The following FSBP variants were observed in gnomAD, a reference collection of about 807,000 sequenced individuals.
FSBP encodes the protein fibrinogen silencer binding protein.
In FSBP, 18 loss-of-function variants were observed where a neutral mutation model predicts 24.6. That is an observed-to-expected ratio of 0.73 (90% CI 0.51 to 1.08). FSBP has a LOEUF of 1.08. Ranked by LOEUF, FSBP falls within the 50% of genes least tolerant of loss-of-function variation. The pLI, the probability that FSBP is intolerant of heterozygous loss-of-function variation, is 0.00. For missense variants in FSBP, 305 were observed against 347.6 expected, an observed-to-expected ratio of 0.88 and a Z score of 0.98; for synonymous variants, 110 against 125.8, an observed-to-expected ratio of 0.87 and a Z score of 0.84.
At chr8:94,435,365 A>G (rs963946980) in intron 1 of FSBP, among the ~76,000 whole-genome samples, 15 of 152,064 alleles carry the variant, frequency 9.9e-5, no homozygotes, top group Non-Finnish European at 1.9e-4. Flanking sequence ...CTTTCCTAGT[A>G]AATTACCAAA....
At chr8:94,435,032 C>T (rs545377291) in intron 1 of FSBP, among the ~76,000 whole-genome samples, 1 of 151,900 alleles carries the variant, frequency 6.6e-6, no homozygotes, top group South Asian at 2.1e-4. Context: ...TTCTACATGT[C>T]GTTTTCAAAT....
chr8:94,436,725 G>A lies in FSBP; in HGVS notation c.144C>T (p.Ile48=), dbSNP rs199864950. 101 of 1,550,592 alleles carry A rather than the reference G, an allele frequency of 6.5e-5. No individual in the cohort carries two copies. The highest frequency in any genetic ancestry group is 8.5e-5 in the Non-Finnish European group (98 of 1,146,998). ...CAATTGCATTATAGTTAACTGCTAT[G>A]ATATCCCAACATCTATTCTTTTCTA... ...VIVEKNRCWD[I]IAVNYNAIGV... is the part of the protein sequence containing the mutation. The change falls in exon 1 of 2, where the codon ATC becomes ATT. Residue 48 remains isoleucine (I), a synonymous_variant. Transcript: ENST00000481490.
At position 94,429,537 on chromosome 8, in the gene FSBP, G is replaced by A; in HGVS notation, c.*2594C>T. On this transcript the variant is annotated 3_prime_UTR_variant, in exon 2 of 2. Coordinates refer to ENST00000481490, the MANE Select transcript of FSBP (RefSeq NM_001256141.2). ...CAATTCTTAGTAGCATGCTGAAACT[G>A]TAAAGTGAATTACATCTCATATATG... The A allele has an allele frequency of 1.0e-6, 1 of 984,282 alleles. No homozygotes were observed. The highest frequency in any genetic ancestry group is 1.2e-6 in the Non-Finnish European group (1 of 828,948). The allele number at this position is 984,282 out of a possible 1,614,324, so 61.0% of individuals were successfully genotyped here.
chr8:94,434,514 C>G (rs568547048), intron 1 of FSBP, among the ~76,000 whole-genome samples: 30 of 151,828 alleles, frequency 2.0e-4, no homozygotes, highest in African/African-American at 7.2e-4. Context: ...CCTTACAAAA[C>G]AGGTATATAT....
rs1812053802 is a variant in FSBP, at chr8:94,430,202, T to C, written c.*1929A>G. 1 of 653,588 alleles carries C rather than the reference T, an allele frequency of 1.5e-6. No individual in the cohort carries two copies. Among genetic ancestry groups the C allele is most frequent in the African/African-American group, 2.0e-5 (1 of 50,438 alleles). The allele number at this position is 653,588 out of a possible 1,614,324, so 40.5% of individuals were successfully genotyped here. A position where few individuals can be genotyped will look rare whatever the true frequency, so the allele number is the denominator to read the frequency against. ...GTGGTGCGCCTGTAGTCCCAGCTAC[T>C]TGGGAAGCTGAAGCAGGAGAATCGC... On this transcript the variant is annotated 3_prime_UTR_variant, in exon 2 of 2. Transcript: ENST00000481490.
intron 1 of FSBP, among the ~76,000 whole-genome samples, chr8:94,433,942 T>G (rs1052078794): frequency 1.3e-5 from 2 of 151,768 alleles, no homozygotes; most frequent in Admixed American, 6.6e-5. Context: ...TGCCATTAAA[T>G]TGCCAGAAAT....
Position 94,432,040 on chromosome 8 carries a change from T to C in FSBP, c.*91A>G, listed in dbSNP as rs1216737481. 2.3e-5 allele frequency: 32 copies of C among 1,401,468 alleles called. No individual in the cohort carries two copies. Among genetic ancestry groups the C allele is most frequent in the Non-Finnish European group, 2.9e-5 (31 of 1,079,624 alleles). The allele number at this position is 1,401,468 out of a possible 1,614,324, so 86.8% of individuals were successfully genotyped here. On this transcript the variant is annotated 3_prime_UTR_variant, in exon 2 of 2. Coordinates refer to ENST00000481490, the MANE Select transcript of FSBP (RefSeq NM_001256141.2). Reference sequence around the variant, plus strand: ...CCATAATAGAGATTAACAACATTTTTCAAGAACGTGTATTCTGTTTCAGGA... The same window carrying C: ...CCATAATAGAGATTAACAACATTTTCCAAGAACGTGTATTCTGTTTCAGGA...
rs1348005004 is a variant in FSBP at position 94,428,490 on chromosome 8, A to T, written c.*3641T>A. ...TACACACATCCTTCCATATACTTTA[A>T]ATCATCTCTAGATTACTTACAATGG... On this transcript the variant is annotated 3_prime_UTR_variant, in exon 2 of 2. Coordinates refer to ENST00000481490, the MANE Select transcript of FSBP (RefSeq NM_001256141.2). The T allele has an allele frequency of 8.1e-6, 2 of 246,536 alleles. No homozygotes were observed. Among genetic ancestry groups the T allele is most frequent in the East Asian group, 3.6e-4 (2 of 5,602 alleles). The allele number at this position is 246,536 out of a possible 1,614,324, so 15.3% of individuals were successfully genotyped here.
In FSBP at chr8:94,429,326, A is replaced by C. The variant is rs1034405527; in HGVS notation, c.*2805T>G. ...TTTTCAAGGGCTATTTTGTATATAC[A>C]TAATTTTTACCTTCCACAATTATTT... On this transcript the variant is annotated 3_prime_UTR_variant, in exon 2 of 2. Coordinates refer to ENST00000481490, the MANE Select transcript of FSBP (RefSeq NM_001256141.2). 1 of 494,830 alleles carries C rather than the reference A, an allele frequency of 2.0e-6. No homozygotes were observed. The allele number at this position is 494,830 out of a possible 1,614,324, so 30.7% of individuals were successfully genotyped here.
chr8:94,432,780 A>T, intron 1 of FSBP, 124 bp from the exon 2 acceptor site: 3 of 1,190,104 alleles, frequency 2.5e-6, no homozygotes, highest in Admixed American at 3.6e-5. Flanking sequence ...GTTACAAAAT[A>T]AAAAAAAATC....
rs2130123495 is a variant in FSBP, at chr8:94,436,932, T to G, written c.-64A>C. ...CATGCAGCCTTCAGCTCTGCTCAGC[T>G]CTTTTCACAAACAGAAAAAGATCAG... is the stretch of plus-strand genomic sequence containing the variant. On this transcript the variant is annotated 5_prime_UTR_variant, in exon 1 of 2. Transcript: ENST00000481490. 1 of 1,456,334 alleles carries G rather than the reference T, an allele frequency of 6.9e-7. No individual in the cohort carries two copies. Among genetic ancestry groups the G allele is most frequent in the African/African-American group, 1.4e-5 (1 of 69,756 alleles). The allele number at this position is 1,456,334 out of a possible 1,614,324, so 90.2% of individuals were successfully genotyped here.
In FSBP at chr8:94,436,914, C is replaced by A. The variant is rs1295254070; in HGVS notation, c.-46G>T. On this transcript the variant is annotated 5_prime_UTR_variant, in exon 1 of 2. Transcript: ENST00000481490. ...GGCAGTTTCTGAAACCACCATGCAG[C>A]CTTCAGCTCTGCTCAGCTCTTTTCA... 2 of 1,478,612 alleles carry A rather than the reference C, an allele frequency of 1.4e-6. No homozygotes were observed. The highest frequency in any genetic ancestry group is 2.9e-5 in the South Asian group (2 of 69,270). 91.6% of individuals were successfully genotyped at this position (1,478,612 alleles called of 1,614,324 possible). A position where few individuals can be genotyped will look rare whatever the true frequency, so the allele number is the denominator to read the frequency against.
rs1812139229 is a variant in FSBP at position 94,432,675 on chromosome 8, C to T, written c.375-19G>A. ...GTTTGCACTATAGCACACAAAAAAG[C>T]ATTATAATATGTAAATCAAATGAAG... On this transcript the variant is annotated intron_variant, in intron 1 of 1. Coordinates refer to ENST00000481490, the MANE Select transcript of FSBP (RefSeq NM_001256141.2). 1 of 1,458,890 alleles carries T rather than the reference C, an allele frequency of 6.9e-7. No individual in the cohort carries two copies. The highest frequency in any genetic ancestry group is 9.1e-7 in the Non-Finnish European group (1 of 1,103,360). 90.4% of individuals were successfully genotyped at this position (1,458,890 alleles called of 1,614,324 possible). A position where few individuals can be genotyped will look rare whatever the true frequency, so the allele number is the denominator to read the frequency against.
chr8:94,429,875 A>G lies in FSBP; in HGVS notation c.*2256T>C. On this transcript the variant is annotated 3_prime_UTR_variant, in exon 2 of 2. Coordinates refer to ENST00000481490, the MANE Select transcript of FSBP (RefSeq NM_001256141.2). ...TTCATTTTTTTCTATTTCTATAGCC[A>G]TAACTTAAATTTCTGATTTAAGTTC... 1.5e-5 allele frequency: 15 copies of G among 985,418 alleles called. No individual in the cohort carries two copies. The highest frequency in any genetic ancestry group is 1.8e-5 in the Non-Finnish European group (15 of 829,910). The allele number at this position is 985,418 out of a possible 1,614,324, so 61.0% of individuals were successfully genotyped here. A position where few individuals can be genotyped will look rare whatever the true frequency, so the allele number is the denominator to read the frequency against.
Position 94,428,016 on chromosome 8 carries a change from C to T in FSBP, c.*4115G>A, listed in dbSNP as rs1054264966. 2.8e-5 allele frequency: 26 copies of T among 931,884 alleles called. No homozygotes were observed. Among genetic ancestry groups the T allele is most frequent in the Non-Finnish European group, 2.8e-5 (22 of 781,514 alleles). 57.7% of individuals were successfully genotyped at this position (931,884 alleles called of 1,614,324 possible). On this transcript the variant is annotated 3_prime_UTR_variant, in exon 2 of 2. Transcript: ENST00000481490. ...TGACTATTTTAAGAAATCTGGTATT[C>T]GTTAGAAATGAGTTTCACTGACTTT... is the stretch of plus-strand genomic sequence containing the variant.
At position 94,430,927 on chromosome 8, in the gene FSBP, G is replaced by T. The variant is rs2130100198; in HGVS notation, c.*1204C>A. ...AAATCAATGGCTTAGCACTGCATTT[G>T]TGCTTATATACTCAATCCACTTTTT... On this transcript the variant is annotated 3_prime_UTR_variant, in exon 2 of 2. Coordinates refer to ENST00000481490, the MANE Select transcript of FSBP (RefSeq NM_001256141.2). 3.0e-6 allele frequency: 3 copies of T among 985,308 alleles called. No homozygotes were observed. In the Middle Eastern group the frequency reaches 1.6e-3, roughly 515 times the overall value. The allele number at this position is 985,308 out of a possible 1,614,324, so 61.0% of individuals were successfully genotyped here. A position where few individuals can be genotyped will look rare whatever the true frequency, so the allele number is the denominator to read the frequency against.
In FSBP at chr8:94,429,415, T is replaced by C. The variant is rs1035626457; in HGVS notation, c.*2716A>G. 60 of 901,562 alleles carry C rather than the reference T, an allele frequency of 6.7e-5. No individual in the cohort carries two copies. Among genetic ancestry groups the C allele is most frequent in the Non-Finnish European group, 7.7e-5 (58 of 753,872 alleles). 55.8% of individuals were successfully genotyped at this position (901,562 alleles called of 1,614,324 possible). A position where few individuals can be genotyped will look rare whatever the true frequency, so the allele number is the denominator to read the frequency against. Reference sequence around the variant, plus strand: ...CACTTTTTTTTAACACAGATCTCTTTTCTAGAAACATCTCACAGAATTAAT... The same window carrying C: ...CACTTTTTTTTAACACAGATCTCTTCTCTAGAAACATCTCACAGAATTAAT... On this transcript the variant is annotated 3_prime_UTR_variant, in exon 2 of 2. Coordinates refer to ENST00000481490, the MANE Select transcript of FSBP (RefSeq NM_001256141.2).
chr8:94,436,607 C>G lies in FSBP; in HGVS notation c.262G>C (p.Glu88Gln), dbSNP rs1180301078. Reference protein sequence around the residue: ...YAKQELLQQKETQSDFKSNIS... With the variant: ...YAKQELLQQKQTQSDFKSNIS... ...TTGCTTTTAAAATCTGATTGGGTCT[C>G]TTTTTGCTGCAATAGCTCCTGTTTG... is the stretch of plus-strand genomic sequence containing the variant. The change falls in exon 1 of 2, where the codon GAG becomes CAG. Residue 88 changes from glutamate (E) to glutamine (Q), a missense_variant. Physicochemically the swap from Glu to Gln is conservative, Grantham distance 29. Transcript: ENST00000481490. The G allele has an allele frequency of 3.9e-6, 6 of 1,550,486 alleles. No homozygotes were observed. The highest frequency in any genetic ancestry group is 3.3e-4 in the Middle Eastern group (2 of 5,990).
chr8:94,428,204 CA>C lies in FSBP; in HGVS notation c.*3926del, dbSNP rs1318468810. ...TAATCTATATACTTAGTATATTTAT[CA>C]AATGTAGTATATTTCTACAGAATCA... is the stretch of plus-strand genomic sequence containing the variant. On this transcript the variant is annotated 3_prime_UTR_variant, in exon 2 of 2. Coordinates refer to ENST00000481490, the MANE Select transcript of FSBP (RefSeq NM_001256141.2). 68 of 850,590 alleles carry C rather than the reference CA, an allele frequency of 8.0e-5. No homozygotes were observed. The highest frequency in any genetic ancestry group is 9.6e-5 in the Non-Finnish European group (68 of 707,330). The allele number at this position is 850,590 out of a possible 1,614,324, so 52.7% of individuals were successfully genotyped here.
Sources: allele counts gnomAD v4.1 joint callset (sites outside exome capture counted in the v4.1 genomes callset), GRCh38; gene constraint gnomAD v4.1.1; transcripts MANE v1.5; gene names NCBI Gene and HGNC (gene_info 2026-07-23, HGNC 2026-07-21).